Variants in COG5 observed in about 807,000 individuals in gnomAD.
COG5 encodes conserved oligomeric Golgi complex subunit 5.
A neutral mutation model predicts 110.4 loss-of-function variants in COG5; 86 were observed. The ratio of observed to expected loss-of-function variants is 0.78; its 90% CI spans 0.65 to 0.93. The LOEUF is 0.93. Among genes scored for constraint, COG5 ranks in the 40% least tolerant of loss-of-function variants. The probability of loss-of-function intolerance (pLI) is 0.00; values close to 1 mark genes in which losing one functional copy is unlikely to be tolerated. For missense variants in COG5, 1,077 were observed against 987.0 expected (o/e 1.09, Z -1.22); for synonymous variants, 360 against 334.6 (o/e 1.08, Z -0.83).
intron 17 of COG5, among the ~76,000 whole-genome samples, chr7:107,237,497 A>G (rs1428449635): frequency 6.6e-6 from 1 of 152,226 alleles, no homozygotes; most frequent in Non-Finnish European, 1.5e-5. Context: ...CCATATTCTG[A>G]GAATGACGTA....
intron 12 of COG5, among the ~76,000 whole-genome samples, chr7:107,295,087 ATATATATATATATATTT>A (rs1225679343): frequency 2.0e-4 from 14 of 69,550 alleles, no homozygotes; most frequent in Non-Finnish European, 3.5e-4. Context: ...ATATATATAT[ATATATATATATATATTT>A]TTTTTTTTTT....
chr7:107,321,737 G>A (rs550928364), intron 11 of COG5, among the ~76,000 whole-genome samples: 30 of 152,218 alleles, frequency 2.0e-4, no homozygotes, highest in African/African-American at 6.5e-4. Context: ...TAACATACAC[G>A]AAAATTAACT....
At chr7:107,313,075 A>G (rs751675984) in intron 11 of COG5, among the ~76,000 whole-genome samples, 1 of 152,210 alleles carries the variant, frequency 6.6e-6, no homozygotes, top group Non-Finnish European at 1.5e-5. Flanking sequence ...GACGTGCCAC[A>G]AACACAAGCA....
At chr7:107,458,947 A>G (rs1045408825) in intron 6 of COG5, among the ~76,000 whole-genome samples, 2 of 151,246 alleles carry the variant, frequency 1.3e-5, no homozygotes, top group African/African-American at 2.4e-5. Flanking sequence ...ACACACATTT[A>G]TATTATTATA....
chr7:107,555,553 C>T (rs542176849), intron 2 of COG5, among the ~76,000 whole-genome samples: 4 of 152,288 alleles, frequency 2.6e-5, no homozygotes, highest in South Asian at 2.1e-4. Context: ...CCTACTGATA[C>T]GGTCATCAAT....
At chr7:107,231,174 G>C (rs1800750286) in intron 18 of COG5, among the ~76,000 whole-genome samples, 1 of 152,060 alleles carries the variant, frequency 6.6e-6, no homozygotes, top group African/African-American at 2.4e-5. Context: ...TGTGACCCTG[G>C]ATAAGTTACT....
chr7:107,208,782 A>G, intron 21 of COG5: 2 of 983,878 alleles, frequency 2.0e-6, no homozygotes, highest in Non-Finnish European at 1.2e-6. Flanking sequence ...CCAGTGGCTC[A>G]TGTGGGATGT....
intron 7 of COG5, among the ~76,000 whole-genome samples, chr7:107,405,923 T>C (rs1057259454): frequency 6.6e-6 from 1 of 152,148 alleles, no homozygotes; most frequent in Non-Finnish European, 1.5e-5. Context: ...ATGTTGGCCC[T>C]CAGTAGATAC....
chr7:107,461,929 G>C (rs1252315924), intron 6 of COG5, among the ~76,000 whole-genome samples: 6 of 152,156 alleles, frequency 3.9e-5, no homozygotes, highest in African/African-American at 1.4e-4. Flanking sequence ...TTAAAGATCG[G>C]AGGACTCAAT....
At chr7:107,362,807 C>T (rs1485459779) in intron 8 of COG5, among the ~76,000 whole-genome samples, 1 of 146,908 alleles carries the variant, frequency 6.8e-6, no homozygotes, top group East Asian at 2.0e-4. Flanking sequence ...TGTTGTATCC[C>T]CTTTCTTAAA....
At chr7:107,462,549 A>G (rs1484506810) in intron 6 of COG5, among the ~76,000 whole-genome samples, 3 of 151,614 alleles carry the variant, frequency 2.0e-5, no homozygotes, top group Non-Finnish European at 4.4e-5. Flanking sequence ...GGGAAAGGCA[A>G]CAACCCCAAT....
chr7:107,362,814 TA>T lies in COG5; in HGVS notation c.836-395del, dbSNP rs201643911. Among the ~76,000 whole-genome samples, 888 of 138,016 alleles carry T rather than the reference TA, an allele frequency of 6.4e-3. 5 individuals carry two copies. Among genetic ancestry groups the T allele is most frequent in the African/African-American group, 0.018 (679 of 37,184 alleles). 90.5% of individuals were successfully genotyped at this position (138,016 alleles called of 152,430 possible). On this transcript the variant is annotated intron_variant, in intron 8 of 21. Coordinates refer to ENST00000297135, the MANE Select transcript of COG5 (RefSeq NM_006348.5). ...TGTATGTGTGTTGTATCCCCTTTCT[TA>T]AAAAAAAAAAAAACCCTAAAACTGA...
At position 107,378,619 on chromosome 7, in the gene COG5, A is replaced by T. The variant is rs536658403; in HGVS notation, c.670-5859T>A. ...CTGAAAAACACAGCACGAGAACTTC[A>T]TGAAGCATACACAAGTATCAACAGC... On this transcript the variant is annotated intron_variant, in intron 7 of 21. Transcript: ENST00000297135. Among the ~76,000 whole-genome samples, 12 of 152,358 alleles carry T rather than the reference A, an allele frequency of 7.9e-5. No individual in the cohort carries two copies. In the South Asian group the frequency reaches 2.5e-3, roughly 32 times the overall value.
In COG5 at chr7:107,474,999, G is replaced by A; in HGVS notation, c.538+52238C>T. ...GAGAAAGACAAAAGAGAGTCTTCAG[G>A]ATGTCTTTATTGATTATTTCTACAT... On this transcript the variant is annotated intron_variant, in intron 6 of 21. Coordinates refer to ENST00000297135, the MANE Select transcript of COG5 (RefSeq NM_006348.5). The surrounding 1 kb of genome is among the most constrained non-coding windows in gnomAD (Gnocchi z 5.7). 1 of 1,612,476 alleles carries A rather than the reference G, an allele frequency of 6.2e-7. No individual in the cohort carries two copies.
At chr7:107,509,422 T>C (rs556420320) in intron 6 of COG5, among the ~76,000 whole-genome samples, 243 of 152,286 alleles carry the variant, frequency 1.6e-3, no homozygotes, top group Non-Finnish European at 2.8e-3. Context: ...CTACGTCTGA[T>C]TGGTGTACCT....
chr7:107,477,239 T>C (rs889674804), intron 6 of COG5, among the ~76,000 whole-genome samples: 2 of 151,804 alleles, frequency 1.3e-5, no homozygotes, highest in East Asian at 3.9e-4. Flanking sequence ...TATCTTCATT[T>C]AAGAATTTAA....
intron 8 of COG5, among the ~76,000 whole-genome samples, chr7:107,364,632 G>A (rs1813433818): frequency 6.6e-6 from 1 of 152,080 alleles, no homozygotes; most frequent in African/African-American, 2.4e-5. Context: ...GGCAGTAGAA[G>A]AACTCATCAT....
chr7:107,343,597 G>T (rs1046385508), intron 10 of COG5, among the ~76,000 whole-genome samples: 5 of 152,072 alleles, frequency 3.3e-5, no homozygotes, highest in African/African-American at 1.2e-4. Flanking sequence ...TAGAGGATCA[G>T]TTAAGCCTGG....
chr7:107,341,545 C>CA (rs534062753), intron 10 of COG5, among the ~76,000 whole-genome samples: 50 of 148,936 alleles, frequency 3.4e-4, no homozygotes, highest in Middle Eastern at 6.8e-3. Flanking sequence ...CATATGGAAC[C>CA]AAAAAAAAAG....
Sources: allele counts gnomAD v4.1 joint callset (sites outside exome capture counted in the v4.1 genomes callset), GRCh38; gene constraint gnomAD v4.1.1; non-coding constraint Gnocchi (gnomAD v3.1); transcripts MANE v1.5; gene names NCBI Gene and HGNC (gene_info 2026-07-23, HGNC 2026-07-21).